Variants in SNTG2 observed in about 807,000 individuals in gnomAD.
The protein encoded by SNTG2 is syntrophin gamma 2, also known as gamma-2-syntrophin.
A neutral mutation model predicts 70.9 loss-of-function variants in SNTG2; 74 were observed. That is an observed-to-expected ratio of 1.04 (90% CI 0.86 to 1.27). SNTG2 has a LOEUF of 1.27. Among genes scored for constraint, SNTG2 ranks in the 50% most tolerant of loss-of-function variants. The pLI is 0.00. For missense variants in SNTG2, 717 were observed against 690.7 expected (o/e 1.04, Z -0.43); for synonymous variants, 278 against 273.8 (o/e 1.02, Z -0.15).
At chr2:1,130,932 A>G (rs953157001) in intron 4 of SNTG2, among the ~76,000 whole-genome samples, 2 of 152,234 alleles carry the variant, frequency 1.3e-5, no homozygotes, top group Non-Finnish European at 2.9e-5. Context: ...TCAATACCAT[A>G]GTAGTTTTTC....
At chr2:1,015,921 T>A (rs1659878522) in intron 1 of SNTG2, among the ~76,000 whole-genome samples, 1 of 152,314 alleles carries the variant, frequency 6.6e-6, no homozygotes, top group African/African-American at 2.4e-5. Flanking sequence ...AGATAGTCCA[T>A]GTTTATAAAT....
At chr2:1,238,055 A>G in intron 10 of SNTG2, 38 bp downstream of exon 10, 3 of 1,578,316 alleles carry the variant, frequency 1.9e-6, no homozygotes, top group Non-Finnish European at 2.6e-6. Context: ...GCTGATGCTC[A>G]TTCGTGCATG....
chr2:1,166,354 C>T (rs1424645514), intron 7 of SNTG2, among the ~76,000 whole-genome samples: 3 of 152,176 alleles, frequency 2.0e-5, no homozygotes, highest in African/African-American at 7.2e-5. Flanking sequence ...GGACCTCCCG[C>T]TGAGCCGACA....
chr2:1,071,111 C>A (rs187046435), intron 1 of SNTG2, among the ~76,000 whole-genome samples: 3 of 152,230 alleles, frequency 2.0e-5, no homozygotes, highest in Non-Finnish European at 4.4e-5. Flanking sequence ...GAAGAGTGGC[C>A]ATTGTCTCAC....
At chr2:1,289,442 C>T (rs1253112530) in intron 14 of SNTG2, among the ~76,000 whole-genome samples, 5 of 152,164 alleles carry the variant, frequency 3.3e-5, no homozygotes, top group African/African-American at 4.8e-5. Flanking sequence ...ACTCCTGCCA[C>T]CTGCTCTGTG....
At chr2:1,235,557 G>A (rs1468528746) in intron 9 of SNTG2, among the ~76,000 whole-genome samples, 2 of 81,324 alleles carry the variant, frequency 2.5e-5, no homozygotes, top group East Asian at 7.9e-4. Context: ...GGCCCCACCA[G>A]GCACCCCCGA....
chr2:1,337,252 T>G (rs866090675), intron 16 of SNTG2, among the ~76,000 whole-genome samples: 2 of 152,160 alleles, frequency 1.3e-5, no homozygotes. Context: ...TTTTAATTTT[T>G]TGAGGAACTC....
chr2:1,291,936 C>T (rs994924186), intron 14 of SNTG2, among the ~76,000 whole-genome samples: 1 of 152,146 alleles, frequency 6.6e-6, no homozygotes, highest in Non-Finnish European at 1.5e-5. Context: ...GTATGGACAT[C>T]CGAACATCAT....
At chr2:1,357,147 C>T (rs1484975791) in intron 16 of SNTG2, among the ~76,000 whole-genome samples, 1 of 151,900 alleles carries the variant, frequency 6.6e-6, no homozygotes, top group Non-Finnish European at 1.5e-5. Context: ...TTTGAATGTC[C>T]TTTATTTCTT....
intron 14 of SNTG2, among the ~76,000 whole-genome samples, chr2:1,305,197 A>G (rs1255619182): frequency 2.0e-5 from 3 of 152,224 alleles, no homozygotes; most frequent in Non-Finnish European, 4.4e-5. Context: ...CCATAATTTC[A>G]TCAGTAGATC....
intron 14 of SNTG2, among the ~76,000 whole-genome samples, chr2:1,298,820 G>A (rs1191517768): frequency 6.6e-6 from 1 of 152,096 alleles, no homozygotes; most frequent in Non-Finnish European, 1.5e-5. Context: ...CCCTTAATTG[G>A]GTAGGCACCA....
intron 8 of SNTG2, among the ~76,000 whole-genome samples, chr2:1,198,221 T>C (rs1673050169): frequency 6.6e-6 from 1 of 151,990 alleles, no homozygotes; most frequent in African/African-American, 2.4e-5. Context: ...TATATAAATA[T>C]ATGAAAATTA....
chr2:998,143 AG>A, intron 1 of SNTG2, among the ~76,000 whole-genome samples: 1 of 152,324 alleles, frequency 6.6e-6, no homozygotes, highest in East Asian at 1.9e-4. Context: ...CACATCCTCA[AG>A]GGTGAAAAAA....
At chr2:1,299,925 C>T (rs1339833924) in intron 14 of SNTG2, among the ~76,000 whole-genome samples, 5 of 152,218 alleles carry the variant, frequency 3.3e-5, no homozygotes, top group African/African-American at 9.6e-5. Flanking sequence ...TAAATGACGG[C>T]ACTGTGACCA....
chr2:1,138,738 G>A (rs775721446), intron 6 of SNTG2, among the ~76,000 whole-genome samples: 8 of 152,160 alleles, frequency 5.3e-5, no homozygotes, highest in Non-Finnish European at 1.2e-4. Flanking sequence ...AGGCAAGCAG[G>A]CTGGTAATTT....
At chr2:1,257,991 A>T (rs1678218315) in intron 12 of SNTG2, among the ~76,000 whole-genome samples, 1 of 152,204 alleles carries the variant, frequency 6.6e-6, no homozygotes, top group African/African-American at 2.4e-5. Flanking sequence ...TTCAAAAATA[A>T]GCAGCATTGT....
chr2:1,131,266 C>T (rs967656446), intron 4 of SNTG2, among the ~76,000 whole-genome samples: 9 of 152,064 alleles, frequency 5.9e-5, no homozygotes, highest in African/African-American at 1.4e-4. Flanking sequence ...TGTCTGTGTT[C>T]GGCTAGTGTT....
intron 14 of SNTG2, among the ~76,000 whole-genome samples, chr2:1,279,906 T>C (rs1679446124): frequency 1.3e-5 from 2 of 152,236 alleles, no homozygotes; most frequent in African/African-American, 4.8e-5. Context: ...GCTGGGAAGA[T>C]CGTTTTGAAT....
intron 1 of SNTG2, among the ~76,000 whole-genome samples, chr2:1,067,195 C>T (rs1184195576): frequency 3.3e-5 from 5 of 151,380 alleles, no homozygotes; most frequent in East Asian, 3.9e-4. Flanking sequence ...CCACATTTAC[C>T]GAAGAATGTA....
Sources: gnomAD v4.1 joint callset for allele counts (sites outside exome capture counted in the v4.1 genomes callset) on GRCh38, gnomAD v4.1.1 for gene constraint, MANE v1.5 for transcripts, NCBI Gene and HGNC (gene_info 2026-07-23, HGNC 2026-07-21) for gene names.